Variants in ST18 observed in about 807,000 individuals in gnomAD.
ST18 encodes suppression of tumorigenicity 18 protein.
A neutral mutation model predicts 110.0 loss-of-function variants in ST18; 50 were observed. The ratio of observed to expected loss-of-function variants is 0.45; its 90% CI spans 0.36 to 0.58. The LOEUF (loss-of-function observed/expected upper bound fraction) is 0.58. Among genes scored for constraint, ST18 ranks in the 20% least tolerant of loss-of-function variants. The pLI is 0.00. For missense variants in ST18, 1,306 were observed against 1,280.1 expected, an observed-to-expected ratio of 1.02 and a Z score of -0.31; for synonymous variants, 461 against 452.4, an observed-to-expected ratio of 1.02 and a Z score of -0.24.
intron 8 of ST18, among the ~76,000 whole-genome samples, chr8:52,197,231 T>C (rs1269730195): frequency 6.6e-6 from 1 of 152,232 alleles, no homozygotes; most frequent in Non-Finnish European, 1.5e-5. Flanking sequence ...GAATATTTTA[T>C]TCATGTACCT....
At chr8:52,119,678 A>G (rs112394222) in intron 23 of ST18, among the ~76,000 whole-genome samples, 6 of 152,322 alleles carry the variant, frequency 3.9e-5, no homozygotes, top group African/African-American at 1.2e-4. Flanking sequence ...CGCCAAAAGC[A>G]CAACTTGAAA....
intron 23 of ST18, among the ~76,000 whole-genome samples, chr8:52,122,643 C>T (rs1320617409): frequency 6.6e-6 from 1 of 151,968 alleles, no homozygotes; most frequent in Non-Finnish European, 1.5e-5. Flanking sequence ...CCACCACACT[C>T]AGCTAATGTT....
chr8:52,379,169 G>A lies in ST18; in HGVS notation c.-465+30159C>T, dbSNP rs1467563754. 2.8e-4 allele frequency among the ~76,000 whole-genome samples: 41 copies of A among 149,090 alleles called. 1 individual carries two copies. Among genetic ancestry groups the A allele is most frequent in the Admixed American group, 2.6e-3 (38 of 14,698 alleles). On this transcript the variant is annotated intron_variant, in intron 2 of 25. Transcript: ENST00000689386. The stretch of plus-strand genomic sequence containing the variant: ...GCTGAAGTGCAGTGGCTCAATCTCA[G>A]CCACTGCAACCTCTGCCTCCCAGGT...
chr8:52,164,585 G>A (rs2062349809), intron 12 of ST18, among the ~76,000 whole-genome samples: 1 of 152,196 alleles, frequency 6.6e-6, no homozygotes, highest in Non-Finnish European at 1.5e-5. Flanking sequence ...AATATAAAAT[G>A]TGAATATCAA....
At chr8:52,162,028 G>C (rs2061591364) in intron 13 of ST18, among the ~76,000 whole-genome samples, 2 of 152,160 alleles carry the variant, frequency 1.3e-5, no homozygotes, top group South Asian at 4.1e-4. Context: ...TGGCCAACAT[G>C]GTGAAACCCC....
Position 52,353,774 on chromosome 8 carries a change from G to A in ST18, c.-465+55554C>T, listed in dbSNP as rs368943367. Among the ~76,000 whole-genome samples the A allele has an allele frequency of 5.3e-5, 8 of 152,272 alleles. No homozygotes were observed. In the East Asian group the frequency reaches 1.2e-3, roughly 22 times the overall value. On this transcript the variant is annotated intron_variant, in intron 2 of 25. Transcript: ENST00000689386. ...GTGTAACTCACCTAGCATGGTGCCCGACCAAAAGGAAATGTTCAGTGAATG... is the reference window on the plus strand; with the variant it reads ...GTGTAACTCACCTAGCATGGTGCCCAACCAAAAGGAAATGTTCAGTGAATG...
chr8:52,133,150 C>T lies in ST18; in HGVS notation c.2364-13G>A, dbSNP rs1395521484. 1.2e-5 allele frequency: 20 copies of T among 1,614,074 alleles called. No individual in the cohort carries two copies. The highest frequency in any genetic ancestry group is 9.3e-6 in the Non-Finnish European group (11 of 1,180,044). On this transcript the variant is annotated splice_polypyrimidine_tract_variant and intron_variant, in intron 20 of 25. Transcript: ENST00000689386. ...GCATCCGGACAAGCTGAAATAGGGA[C>T]CCGACAAAGAACAAAGCAAAATTAT... is the stretch of plus-strand genomic sequence containing the variant.
chr8:52,347,540 G>A (rs1443702242), intron 2 of ST18, among the ~76,000 whole-genome samples: 1 of 152,050 alleles, frequency 6.6e-6, no homozygotes, highest in Non-Finnish European at 1.5e-5. Flanking sequence ...AGAGAGAGGA[G>A]AGAGGGATAG....
intron 23 of ST18, among the ~76,000 whole-genome samples, chr8:52,121,156 G>A (rs2044620837): frequency 6.6e-6 from 1 of 152,098 alleles, no homozygotes; most frequent in South Asian, 2.1e-4. Context: ...ATTATGTTTC[G>A]CTGAGGGCCA....
In ST18 at chr8:52,145,055, ATT is replaced by A. The variant is rs11353171; in HGVS notation, c.2053-2012_2053-2011del. Among the ~76,000 whole-genome samples, 623 of 143,060 alleles carry A rather than the reference ATT, an allele frequency of 4.4e-3. 5 individuals carry two copies. The highest frequency in any genetic ancestry group is 0.013 in the African/African-American group (519 of 39,552). The allele number at this position is 143,060 out of a possible 152,430, so 93.9% of individuals were successfully genotyped here. ...CCTTTGTTTTTCTGTTTAGATGCTG[ATT>A]TTTTTTTTTTTTTAACGAAAACGGC... On this transcript the variant is annotated intron_variant, in intron 16 of 25. Transcript: ENST00000689386.
chr8:52,197,756 C>A (rs2076630870), intron 8 of ST18, among the ~76,000 whole-genome samples: 1 of 152,020 alleles, frequency 6.6e-6, no homozygotes. Context: ...AAGAAGTGTG[C>A]ACATGTCACA....
intron 7 of ST18, among the ~76,000 whole-genome samples, chr8:52,212,637 CT>C (rs890843486): frequency 1.3e-5 from 2 of 152,044 alleles, no homozygotes; most frequent in African/African-American, 4.8e-5. Flanking sequence ...GGAAAAACAG[CT>C]TTGATTTTTC....
At chr8:52,233,932 C>T (rs1001957416) in intron 2 of ST18, among the ~76,000 whole-genome samples, 2 of 152,162 alleles carry the variant, frequency 1.3e-5, no homozygotes, top group African/African-American at 4.8e-5. Context: ...TCCATCACCT[C>T]AAATATTTAT....
At chr8:52,332,380 C>A (rs953014864) in intron 2 of ST18, among the ~76,000 whole-genome samples, 2 of 152,112 alleles carry the variant, frequency 1.3e-5, no homozygotes, top group Non-Finnish European at 2.9e-5. Flanking sequence ...CTAAACCTTG[C>A]TCAGTGTTTC....
intron 3 of ST18, among the ~76,000 whole-genome samples, chr8:52,225,669 C>T (rs957943471): frequency 1.8e-4 from 27 of 152,184 alleles, no homozygotes; most frequent in Admixed American, 1.3e-3. Flanking sequence ...GGGAAATGTC[C>T]GTGTTTCTAT....
intron 2 of ST18, among the ~76,000 whole-genome samples, chr8:52,357,498 C>A (rs751868608): frequency 3.3e-5 from 5 of 149,782 alleles, no homozygotes; most frequent in Non-Finnish European, 7.4e-5. Flanking sequence ...ATATTCCAAG[C>A]AAATAGTAAC....
At chr8:52,236,124 G>A (rs1351054648) in intron 2 of ST18, among the ~76,000 whole-genome samples, 7 of 152,166 alleles carry the variant, frequency 4.6e-5, no homozygotes, top group African/African-American at 1.7e-4. Context: ...GGAGGCAACA[G>A]GTAAGCATGA....
chr8:52,136,210 G>A (rs927888107), intron 19 of ST18, among the ~76,000 whole-genome samples: 2 of 152,082 alleles, frequency 1.3e-5, no homozygotes, highest in Admixed American at 6.6e-5. Context: ...GCAGTTGTAC[G>A]AATCAAAATA....
intron 2 of ST18, among the ~76,000 whole-genome samples, chr8:52,368,577 A>G (rs959031888): frequency 6.6e-6 from 1 of 152,224 alleles, no homozygotes; most frequent in Admixed American, 6.5e-5. Flanking sequence ...CTTTCTGTAT[A>G]ACAATCCAAG....
Sources: allele counts gnomAD v4.1 joint callset (sites outside exome capture counted in the v4.1 genomes callset), GRCh38; gene constraint gnomAD v4.1.1; transcripts MANE v1.5; gene names NCBI Gene and HGNC (gene_info 2026-07-23, HGNC 2026-07-21).